MYBL1: variants seen among roughly 807,000 people sequenced by gnomAD.
MYBL1 encodes MYB proto-oncogene like 1, also known as myb-related protein A.
Under a neutral mutation model 96.3 loss-of-function variants are expected in MYBL1, and 17 were observed. That is an observed-to-expected ratio of 0.18 (90% CI 0.12 to 0.26). The LOEUF (loss-of-function observed/expected upper bound fraction) is 0.26, where lower values mean the gene tolerates loss of function less well. MYBL1 is among the 10% of genes least tolerant of loss of function. The pLI is 1.00. For synonymous variants in MYBL1, 282 were observed against 292.7 expected, an observed-to-expected ratio of 0.96 and a Z score of 0.37; for missense variants, 701 against 882.9, an observed-to-expected ratio of 0.79 and a Z score of 2.61.
At chr8:66,576,764 G>A (rs1342874188) in intron 9 of MYBL1, among the ~76,000 whole-genome samples, 2 of 152,102 alleles carry the variant, frequency 1.3e-5, no homozygotes, top group Non-Finnish European at 2.9e-5. Flanking sequence ...TGTTAAAAAT[G>A]GTGATATACT....
At chr8:66,576,960 A>G (rs917833933) in intron 9 of MYBL1, among the ~76,000 whole-genome samples, 2 of 152,198 alleles carry the variant, frequency 1.3e-5, no homozygotes, top group Admixed American at 6.5e-5. Flanking sequence ...CATATAAACA[A>G]AACCAAAGAC....
intron 8 of MYBL1, among the ~76,000 whole-genome samples, chr8:66,590,961 G>A (rs1809615111): frequency 6.6e-6 from 1 of 152,220 alleles, no homozygotes; most frequent in South Asian, 2.1e-4. Flanking sequence ...TGAGATGATA[G>A]ATATGCTAAT....
rs143303249 is a variant in MYBL1, at chr8:66,567,837, G to A, written c.1729-845C>T. On this transcript the variant is annotated intron_variant, in intron 12 of 15. Transcript: ENST00000522677. ...ATCCCACTTTGGGAGGCTGAGGCGG[G>A]TGGATCATGAAGTCAAGAGATCATG... Among the ~76,000 whole-genome samples, 376 of 152,140 alleles carry A rather than the reference G, an allele frequency of 2.5e-3. 2 individuals are homozygous for A. Among genetic ancestry groups the A allele is most frequent in the Admixed American group, 6.7e-3 (103 of 15,282 alleles).
chr8:66,565,957 ATCAATTTTG>A, intron 15 of MYBL1, 98 bp downstream of exon 15: 1 of 817,296 alleles, frequency 1.2e-6, no homozygotes, highest in Non-Finnish European at 1.9e-6. Context: ...TACTGTTACA[ATCAATTTTG>A]AATTTAAAAG....
At chr8:66,596,918 T>C (rs1033963311) in intron 5 of MYBL1, among the ~76,000 whole-genome samples, 5 of 152,170 alleles carry the variant, frequency 3.3e-5, no homozygotes, top group African/African-American at 1.2e-4. Flanking sequence ...CACACTTTCA[T>C]AGCAGTTTAC....
rs2130111161 is a variant in MYBL1 at position 66,613,211 on chromosome 8, A to C, written c.-373T>G. 1 of 399,898 alleles carries C rather than the reference A, an allele frequency of 2.5e-6. No individual in the cohort carries two copies. The highest frequency in any genetic ancestry group is 2.1e-5 in the African/African-American group (1 of 48,774). 24.8% of individuals were successfully genotyped at this position (399,898 alleles called of 1,614,324 possible). On this transcript the variant is annotated 5_prime_UTR_variant, in exon 1 of 16. Coordinates refer to ENST00000522677, the MANE Select transcript of MYBL1 (RefSeq NM_001080416.4). ...CCCTGCCCTCTCCCCCGCAGCTAGC[A>C]GTTCTGCAGGGCTCGCAGTCTCCTG...
At chr8:66,609,653 G>A (rs1402756464) in intron 1 of MYBL1, among the ~76,000 whole-genome samples, 1 of 151,984 alleles carries the variant, frequency 6.6e-6, no homozygotes, top group Non-Finnish European at 1.5e-5. Flanking sequence ...CAATATTGAG[G>A]AGAGTTCTAC....
rs1376009624 is a variant in MYBL1, at chr8:66,563,852, C to T, written c.*845G>A. 1 of 152,426 alleles carries T rather than the reference C, an allele frequency of 6.6e-6. No individual in the cohort carries two copies. The highest frequency in any genetic ancestry group is 2.4e-5 in the African/African-American group (1 of 41,422). The allele number at this position is 152,426 out of a possible 1,614,324, so 9.4% of individuals were successfully genotyped here. On this transcript the variant is annotated 3_prime_UTR_variant, in exon 16 of 16. Coordinates refer to ENST00000522677, the MANE Select transcript of MYBL1 (RefSeq NM_001080416.4). ...AGCTATAACTTACTACTGTTTCATA[C>T]TTAAAGTCAAAATTATTCTTTACTG...
At chr8:66,591,883 T>C (rs1279603592) in intron 8 of MYBL1, among the ~76,000 whole-genome samples, 1 of 152,130 alleles carries the variant, frequency 6.6e-6, no homozygotes, top group Non-Finnish European at 1.5e-5. Context: ...ATATAAGATT[T>C]TACTTTACAT....
At chr8:66,581,074 C>G (rs911702145) in intron 8 of MYBL1, among the ~76,000 whole-genome samples, 1 of 152,032 alleles carries the variant, frequency 6.6e-6, no homozygotes, top group Non-Finnish European at 1.5e-5. Flanking sequence ...GTTGGCCAGG[C>G]TGGTCTCAAA....
intron 8 of MYBL1, among the ~76,000 whole-genome samples, chr8:66,586,033 T>C (rs1025764954): frequency 9.4e-5 from 14 of 149,392 alleles, no homozygotes; most frequent in African/African-American, 3.5e-4. Flanking sequence ...TTGGGTTTTG[T>C]TTTTTGGTGT....
At chr8:66,585,201 CAT>C (rs1809365603) in intron 8 of MYBL1, among the ~76,000 whole-genome samples, 1 of 152,066 alleles carries the variant, frequency 6.6e-6, no homozygotes, top group African/African-American at 2.4e-5. Flanking sequence ...GAACAGAATA[CAT>C]AACCCAGAAA....
At chr8:66,569,539 T>C (rs367701397) in intron 12 of MYBL1, among the ~76,000 whole-genome samples, 1 of 151,916 alleles carries the variant, frequency 6.6e-6, no homozygotes, top group South Asian at 2.1e-4. Flanking sequence ...TCAGTAGAGA[T>C]GGGGTTTCAC....
rs559618580 is a variant in MYBL1 at position 66,613,201 on chromosome 8, C to G, written c.-363G>C. ...GGCGCCCGACCCCTGCCCTCTCCCC[C>G]GCAGCTAGCAGTTCTGCAGGGCTCG... On this transcript the variant is annotated 5_prime_UTR_variant, in exon 1 of 16. Transcript: ENST00000522677. The G allele has an allele frequency of 1.7e-4, 70 of 400,326 alleles. 2 individuals carry two copies. Among genetic ancestry groups the G allele is most frequent in the Admixed American group, 1.6e-3 (37 of 22,714 alleles). The allele number at this position is 400,326 out of a possible 1,614,324, so 24.8% of individuals were successfully genotyped here.
intron 10 of MYBL1, 92 bp downstream of exon 10, chr8:66,575,915 T>G: frequency 1.5e-6 from 2 of 1,314,928 alleles, no homozygotes; most frequent in South Asian, 3.0e-5. Flanking sequence ...TTATATGTTA[T>G]CAAAGCTACC....
At chr8:66,608,152 T>A (rs1300458822) in intron 1 of MYBL1, among the ~76,000 whole-genome samples, 1 of 152,200 alleles carries the variant, frequency 6.6e-6, no homozygotes, top group Non-Finnish European at 1.5e-5. Context: ...AAAGAGTAAT[T>A]TTCCTAAAAA....
chr8:66,566,326 A>C (rs1216124558), intron 14 of MYBL1, 83 bp from the exon 15 acceptor site: 6 of 763,800 alleles, frequency 7.9e-6, no homozygotes, highest in Non-Finnish European at 9.8e-6. Context: ...TGGTAATGGA[A>C]GCCCTGTTTA....
chr8:66,597,627 T>A, intron 4 of MYBL1, 77 bp from the exon 5 acceptor site: 1 of 858,376 alleles, frequency 1.2e-6, no homozygotes, highest in Non-Finnish European at 1.8e-6. Context: ...AATACCATTT[T>A]AAATAAATGC....
At chr8:66,590,386 A>G (rs1414331617) in intron 8 of MYBL1, among the ~76,000 whole-genome samples, 1 of 152,164 alleles carries the variant, frequency 6.6e-6, no homozygotes. Context: ...TGGGAGGCCA[A>G]GGTGGGCAAA....
Sources: allele counts gnomAD v4.1 joint callset (sites outside exome capture counted in the v4.1 genomes callset), GRCh38; gene constraint gnomAD v4.1.1; transcripts MANE v1.5; gene names NCBI Gene and HGNC (gene_info 2026-07-23, HGNC 2026-07-21).